The following SRC variants were observed in gnomAD, a reference collection of about 807,000 sequenced individuals.
SRC encodes the protein SRC proto-oncogene, non-receptor tyrosine kinase.
Under a neutral mutation model 62.9 loss-of-function variants are expected in SRC, and 13 were observed. That is an observed-to-expected ratio of 0.21 (90% CI 0.13 to 0.33). SRC has a LOEUF of 0.33. SRC is among the 10% of genes least tolerant of loss of function. SRC has a pLI of 1.00. For synonymous variants in SRC, 302 were observed against 317.5 expected (o/e 0.95, Z 0.52); for missense variants, 457 against 737.3 (o/e 0.62, Z 4.40).
intron 4 of SRC, among the ~76,000 whole-genome samples, chr20:37,385,305 C>T (rs980580513): frequency 5.9e-5 from 9 of 152,188 alleles, no homozygotes. Flanking sequence ...CAGACGCACG[C>T]CCAAGCGAGA....
At chr20:37,365,491 AT>A (rs11483840) in intron 2 of SRC, among the ~76,000 whole-genome samples, 1 of 151,952 alleles carries the variant, frequency 6.6e-6, no homozygotes, top group Non-Finnish European at 1.5e-5. Flanking sequence ...TATATTAACA[AT>A]TTTTTTAGCA....
intron 1 of SRC, among the ~76,000 whole-genome samples, chr20:37,362,465 A>G (rs1056556853): frequency 2.0e-5 from 3 of 152,082 alleles, no homozygotes; most frequent in Non-Finnish European, 4.4e-5. Flanking sequence ...TCCTCAGCTC[A>G]GTGCTCTGGG....
At position 37,397,553 on chromosome 20, in the gene SRC, C is replaced by A; in HGVS notation, c.704-146C>A. ...CTGTGTGGGGGTGGGGCTGTGTGCA[C>A]ACAGATGTAGATGCCTGGCTTTGAG... On this transcript the variant is annotated intron_variant, in intron 8 of 13. Coordinates refer to ENST00000373578, the MANE Select transcript of SRC (RefSeq NM_198291.3). The surrounding 1 kb of genome is among the most constrained non-coding windows in gnomAD (Gnocchi z 4.1). 1 of 1,129,846 alleles carries A rather than the reference C, an allele frequency of 8.9e-7. No individual in the cohort carries two copies. The highest frequency in any genetic ancestry group is 1.2e-6 in the Non-Finnish European group (1 of 833,156). 70.0% of individuals were successfully genotyped at this position (1,129,846 alleles called of 1,614,324 possible).
rs749879580 is a variant in SRC at position 37,396,337 on chromosome 20, G to A, written c.703+26G>A. The A allele has an allele frequency of 5.0e-6, 8 of 1,610,644 alleles. No individual in the cohort carries two copies. In the African/African-American group the frequency reaches 1.1e-4, roughly 21 times the overall value. ...GTGAGCCAGCCTCGGAGGGCGGAGG[G>A]CGGGCGGGCAAAGCCTCAGCTGCAG... On this transcript the variant is annotated intron_variant, in intron 8 of 13. Transcript: ENST00000373578. This position sits in a 1 kb window ranked among gnomAD's most constrained non-coding sequence, Gnocchi z 6.1.
chr20:37,368,698 G>A (rs2070114581), intron 2 of SRC, among the ~76,000 whole-genome samples: 2 of 148,926 alleles, frequency 1.3e-5, no homozygotes, highest in African/African-American at 4.9e-5. Flanking sequence ...GACTACAGGC[G>A]CCCGCCACTA....
At position 37,403,738 on chromosome 20, in the gene SRC, A is replaced by C; in HGVS notation, c.*359A>C. ...AGCCTCAGCCTACTCCGCTCACTGA[A>C]CTCCTTCCCCACTTCTGTGCCACCC... On this transcript the variant is annotated 3_prime_UTR_variant, in exon 14 of 14. Coordinates refer to ENST00000373578, the MANE Select transcript of SRC (RefSeq NM_198291.3). The surrounding 1 kb of genome is among the most constrained non-coding windows in gnomAD (Gnocchi z 7.1). The C allele has an allele frequency of 3.2e-6, 1 of 315,402 alleles. No homozygotes were observed. The highest frequency in any genetic ancestry group is 6.0e-6 in the Non-Finnish European group (1 of 167,784). The allele number at this position is 315,402 out of a possible 1,614,324, so 19.5% of individuals were successfully genotyped here. A position where few individuals can be genotyped will look rare whatever the true frequency, so the allele number is the denominator to read the frequency against.
chr20:37,380,717 C>T (rs970961089), intron 2 of SRC, among the ~76,000 whole-genome samples: 9 of 152,132 alleles, frequency 5.9e-5, no homozygotes, highest in Admixed American at 3.3e-4. Flanking sequence ...CCCTGACAGC[C>T]GCGAGTGCAC....
chr20:37,353,536 G>A (rs899718864), intron 1 of SRC, among the ~76,000 whole-genome samples: 62 of 152,246 alleles, frequency 4.1e-4, no homozygotes, highest in African/African-American at 1.4e-3. Flanking sequence ...GAGCCCTTGC[G>A]GTCCCTTCAG....
At chr20:37,389,598 C>T (rs1163420268) in intron 5 of SRC, among the ~76,000 whole-genome samples, 3 of 152,232 alleles carry the variant, frequency 2.0e-5, no homozygotes, top group African/African-American at 7.2e-5. Flanking sequence ...ACCAGCTCAG[C>T]GGCCATCCCC....
At chr20:37,379,977 A>G (rs937548552) in intron 2 of SRC, among the ~76,000 whole-genome samples, 1 of 150,178 alleles carries the variant, frequency 6.7e-6, no homozygotes, top group Non-Finnish European at 1.5e-5. Context: ...AGGAAAAGAA[A>G]AAAGAAAAAG....
chr20:37,376,524 A>G (rs1332333855), intron 2 of SRC, among the ~76,000 whole-genome samples: 1 of 152,066 alleles, frequency 6.6e-6, no homozygotes, highest in African/African-American at 2.4e-5. Flanking sequence ...TATTTTGGAG[A>G]TGGAGTTTTG....
Position 37,396,133 on chromosome 20 carries a change from C to G in SRC, c.554-29C>G. On this transcript the variant is annotated intron_variant, in intron 7 of 13. Coordinates refer to ENST00000373578, the MANE Select transcript of SRC (RefSeq NM_198291.3). This position sits in a 1 kb window ranked among gnomAD's most constrained non-coding sequence, Gnocchi z 6.1. The stretch of plus-strand genomic sequence containing the variant: ...CGGCCTGCGGGGGGAGAGGGCATGG[C>G]GGTCACGGCTCCCCTCGGTGCCCCG... 6.2e-7 allele frequency: 1 copy of G among 1,605,482 alleles called. No homozygotes were observed. The highest frequency in any genetic ancestry group is 8.5e-7 in the Non-Finnish European group (1 of 1,177,626).
At chr20:37,385,519 G>T (rs1293339612) in intron 4 of SRC, among the ~76,000 whole-genome samples, 2 of 152,088 alleles carry the variant, frequency 1.3e-5, no homozygotes, top group Non-Finnish European at 2.9e-5. Flanking sequence ...AGGGCTGGGG[G>T]ATGTGAGGAG....
At chr20:37,366,520 C>A (rs1028064155) in intron 2 of SRC, among the ~76,000 whole-genome samples, 25 of 152,186 alleles carry the variant, frequency 1.6e-4, no homozygotes, top group Non-Finnish European at 7.3e-5. Flanking sequence ...TACAGTCACT[C>A]CCCACTTCCC....
intron 1 of SRC, among the ~76,000 whole-genome samples, chr20:37,347,142 A>G (rs544732137): frequency 1.3e-5 from 2 of 152,376 alleles, no homozygotes; most frequent in East Asian, 3.9e-4. Flanking sequence ...AGGTGGACTT[A>G]GGAGTGGACA....
At chr20:37,383,645 T>TA (rs1040860948) in intron 3 of SRC, 5 of 158,006 alleles carry the variant, frequency 3.2e-5, no homozygotes, top group African/African-American at 1.2e-4. Context: ...ATGCCATCCT[T>TA]ACGCTCATTT....
At chr20:37,391,797 T>A (rs1357815442) in intron 5 of SRC, among the ~76,000 whole-genome samples, 1 of 152,128 alleles carries the variant, frequency 6.6e-6, no homozygotes, top group African/African-American at 2.4e-5. Flanking sequence ...AAGTTTGCAG[T>A]GAGCCGAGAT....
At chr20:37,354,173 C>T (rs1455280604) in intron 1 of SRC, among the ~76,000 whole-genome samples, 1 of 152,180 alleles carries the variant, frequency 6.6e-6, no homozygotes, top group African/African-American at 2.4e-5. Context: ...CAGAAGTCTC[C>T]TGGGGCGCAT....
At chr20:37,371,334 G>A (rs978204656) in intron 2 of SRC, among the ~76,000 whole-genome samples, 7 of 151,932 alleles carry the variant, frequency 4.6e-5, no homozygotes, top group Admixed American at 1.3e-4. Flanking sequence ...TTTTTCCTAG[G>A]AATTTCATCT....
Sources: allele counts gnomAD v4.1 joint callset (sites outside exome capture counted in the v4.1 genomes callset), GRCh38; gene constraint gnomAD v4.1.1; non-coding constraint Gnocchi (gnomAD v3.1); transcripts MANE v1.5; gene names NCBI Gene and HGNC (gene_info 2026-07-23, HGNC 2026-07-21).